Variants in FBXW5 observed in about 807,000 individuals in gnomAD.
FBXW5 encodes the protein F-box and WD repeat domain containing 5.
A neutral mutation model predicts 50.9 loss-of-function variants in FBXW5; 74 were observed. That is an observed-to-expected ratio of 1.45 (90% CI 1.20 to 1.76). FBXW5 has a LOEUF of 1.76. Among genes scored for constraint, FBXW5 ranks in the 40% most tolerant of loss-of-function variants. The probability of loss-of-function intolerance (pLI) is 0.00; values close to 1 mark genes in which losing one functional copy is unlikely to be tolerated. For missense variants in FBXW5, 1,073 were observed against 818.8 expected (o/e 1.31, Z -3.79); for synonymous variants, 523 against 362.2 (o/e 1.44, Z -5.04).
chr9:136,941,127 T>A lies in FBXW5; in HGVS notation c.1502A>T (p.Asn501Ile), dbSNP rs769773872. Residue 501 changes from asparagine to isoleucine, a missense_variant, in exon 9 of 9, where the codon AAC becomes ATC. Coordinates refer to ENST00000325285, the MANE Select transcript of FBXW5 (RefSeq NM_018998.4). ...RHGYIWDRHY[N>I]ICLARLRHED... is the part of the protein sequence containing the mutation. Reference sequence around the variant, plus strand: ...GTGCCGCAGCCTGGCCAGACAGATGTTGTAGTGGCGGTCCCAGATGTAGCC... The same window carrying A: ...GTGCCGCAGCCTGGCCAGACAGATGATGTAGTGGCGGTCCCAGATGTAGCC... 24 of 1,601,948 alleles carry A rather than the reference T, an allele frequency of 1.5e-5. No homozygotes were observed. Among genetic ancestry groups the A allele is most frequent in the South Asian group, 1.5e-4 (13 of 89,568 alleles).
intron 6 of FBXW5, 48 bp from the exon 7 acceptor site, chr9:136,941,732 A>G (rs1321468665): frequency 2.0e-6 from 3 of 1,525,532 alleles, no homozygotes; most frequent in Non-Finnish European, 1.8e-6. Context: ...CCCCAAGGAC[A>G]TCACTCCAGG....
intron 3 of FBXW5, 174 bp from the exon 4 acceptor site, chr9:136,943,117 G>A: frequency 2.7e-6 from 3 of 1,123,146 alleles, no homozygotes; most frequent in Non-Finnish European, 3.8e-6. Context: ...GAGCGGAGGA[G>A]CCTGCCCCTG....
chr9:136,940,919 C>T lies in FBXW5; in HGVS notation c.*9G>A. 1.3e-6 allele frequency: 2 copies of T among 1,576,594 alleles called. No individual in the cohort carries two copies. Among genetic ancestry groups the T allele is most frequent in the South Asian group, 1.1e-5 (1 of 87,284 alleles). ...GGGGTCCCGGTGGCTCCAGTGCACC[C>T]AGCACACCTCAGCGCCTCTGGCTGG... On this transcript the variant is annotated 3_prime_UTR_variant, in exon 9 of 9. Coordinates refer to ENST00000325285, the MANE Select transcript of FBXW5 (RefSeq NM_018998.4).
At chr9:136,943,257 C>CCA (rs1554786817) in intron 3 of FBXW5, 92 bp downstream of exon 3, 36 of 1,225,578 alleles carry the variant, frequency 2.9e-5, no homozygotes, top group South Asian at 9.5e-5. Context: ...CACCCCCCCC[C>CCA]CCACCACCAC....
Position 136,941,293 on chromosome 9 carries a change from C to A in FBXW5, c.1415G>T (p.Cys472Phe), listed in dbSNP as rs1850750619. ...AHRAYTPNDE[C>F]FFIFLDVSRD... ...GCTGACGTCCAGGAAGATGAAGAAG[C>A]ACTCGTCGTTGGGCGTGTAGGCGCG... The change falls in exon 8 of 9, where the codon TGC becomes TTC. Residue 472 changes from cysteine (C) to phenylalanine (F), a missense_variant. Physicochemically the swap from Cys to Phe is radical, Grantham distance 205. Transcript: ENST00000325285. 3 of 1,608,658 alleles carry A rather than the reference C, an allele frequency of 1.9e-6. No individual in the cohort carries two copies. The highest frequency in any genetic ancestry group is 1.7e-6 in the Non-Finnish European group (2 of 1,179,802).
intron 2 of FBXW5, 28 bp from the exon 3 acceptor site, chr9:136,943,534 G>A (rs750102632): frequency 1.9e-6 from 3 of 1,595,012 alleles, no homozygotes; most frequent in Non-Finnish European, 2.6e-6. Context: ...TCAGTCCTGG[G>A]CCCGGGCCTT....
Position 136,940,783 on chromosome 9 carries a change from T to G in FBXW5, c.*145A>C. ...CATCACAGCTGCGTGAGCAGGTTTG[T>G]GTGTGAGCGTGTGGCGGGGCCTGGT... On this transcript the variant is annotated 3_prime_UTR_variant, in exon 9 of 9. Coordinates refer to ENST00000325285, the MANE Select transcript of FBXW5 (RefSeq NM_018998.4). 2 of 1,253,604 alleles carry G rather than the reference T, an allele frequency of 1.6e-6. No individual in the cohort carries two copies. Among genetic ancestry groups the G allele is most frequent in the Admixed American group, 5.0e-5 (2 of 39,840 alleles). 77.7% of individuals were successfully genotyped at this position (1,253,604 alleles called of 1,614,324 possible). A position where few individuals can be genotyped will look rare whatever the true frequency, so the allele number is the denominator to read the frequency against.
rs1272750221 is a variant in FBXW5, at chr9:136,943,902, G to A, written c.182C>T (p.Pro61Leu). ...CACACGCCACTGACCTGGGTGTCGGGGCACGTCGCGGGCCACCTGGTAGTA... is the reference window on the plus strand; with the variant it reads ...CACACGCCACTGACCTGGGTGTCGGAGCACGTCGCGGGCCACCTGGTAGTA... ...YRYYQVARDV[P>L]RHPAAMSWYE... Residue 61 changes from proline (P) to leucine (L), a missense_variant, in exon 2 of 9, where the codon CCC becomes CTC. Coordinates refer to ENST00000325285, the MANE Select transcript of FBXW5 (RefSeq NM_018998.4). 3 of 1,550,028 alleles carry A rather than the reference G, an allele frequency of 1.9e-6. No individual in the cohort carries two copies. The highest frequency in any genetic ancestry group is 1.7e-6 in the Non-Finnish European group (2 of 1,146,878).
At position 136,944,650 on chromosome 9, in the gene FBXW5, C is replaced by G; in HGVS notation, c.-80G>C. The G allele has an allele frequency of 2.0e-6, 2 of 985,298 alleles. No individual in the cohort carries two copies. Among genetic ancestry groups the G allele is most frequent in the Non-Finnish European group, 2.4e-6 (2 of 829,634 alleles). 61.0% of individuals were successfully genotyped at this position (985,298 alleles called of 1,614,324 possible). On this transcript the variant is annotated 5_prime_UTR_variant, in exon 1 of 9. Coordinates refer to ENST00000325285, the MANE Select transcript of FBXW5 (RefSeq NM_018998.4). ...GCCCTGCGCGACCCGGACCCGCTTCCGCTGCCGCAGCCGCTCGGACCGCCG... is the reference window on the plus strand; with the variant it reads ...GCCCTGCGCGACCCGGACCCGCTTCGGCTGCCGCAGCCGCTCGGACCGCCG...
intron 5 of FBXW5, 33 bp from the exon 6 acceptor site, chr9:136,942,499 G>T (rs747197244): frequency 1.9e-6 from 3 of 1,598,772 alleles, no homozygotes; most frequent in Non-Finnish European, 1.7e-6. Context: ...GGTGGGCGCC[G>T]GGCGCCAGGC....
At position 136,942,777 on chromosome 9, in the gene FBXW5, A is replaced by T; in HGVS notation, c.518T>A (p.Ile173Asn). Residue 173 changes from isoleucine to asparagine, a missense_variant, in exon 4 of 9, where the codon ATC becomes AAC. Coordinates refer to ENST00000325285, the MANE Select transcript of FBXW5 (RefSeq NM_018998.4). ...CCGCCGCCCGTGCTCACCTAGGCTG[A>T]TGACAGCAATCTCGCCGGATGAGGA... is the stretch of plus-strand genomic sequence containing the variant. Reference protein sequence around the residue: ...HNSSSGEIAVISLDSFALLSR... With the variant: ...HNSSSGEIAVNSLDSFALLSR... The T allele has an allele frequency of 6.2e-7, 1 of 1,612,550 alleles. No individual in the cohort carries two copies. The highest frequency in any genetic ancestry group is 8.5e-7 in the Non-Finnish European group (1 of 1,179,832).
At chr9:136,943,248 ACCCCCC>A in intron 3 of FBXW5, 95 bp downstream of exon 3, 1 of 722,188 alleles carries the variant, frequency 1.4e-6, no homozygotes, top group Non-Finnish European at 2.2e-6. Flanking sequence ...GGCCTGACCC[ACCCCCC>A]CCCCCACCAC....
In FBXW5 at chr9:136,941,119, G is replaced by A. The variant is rs756815177; in HGVS notation, c.1510C>T (p.Leu504=). 3 of 1,598,868 alleles carry A rather than the reference G, an allele frequency of 1.9e-6. No homozygotes were observed. Among genetic ancestry groups the A allele is most frequent in the Non-Finnish European group, 1.7e-6 (2 of 1,173,160 alleles). ...YIWDRHYNIC[L]ARLRHEDVVN... is the part of the protein sequence containing the mutation. ...ACATCCTCGTGCCGCAGCCTGGCCAGACAGATGTTGTAGTGGCGGTCCCAG... is the reference window on the plus strand; with the variant it reads ...ACATCCTCGTGCCGCAGCCTGGCCAAACAGATGTTGTAGTGGCGGTCCCAG... Residue 504 remains leucine, a synonymous_variant, in exon 9 of 9, where the codon CTG becomes TTG. Coordinates refer to ENST00000325285, the MANE Select transcript of FBXW5 (RefSeq NM_018998.4).
rs772731220 is a variant in FBXW5 at position 136,941,246 on chromosome 9, T to C, written c.1457+5A>G. 6.2e-7 allele frequency: 1 copy of C among 1,603,570 alleles called. No individual in the cohort carries two copies. Among genetic ancestry groups the C allele is most frequent in the South Asian group, 1.1e-5 (1 of 90,826 alleles). ...ACCCGCCCTGCACCACGCCGCGCCCTGCACCTGGCCACGAAGTCCCTGCTG... is the reference window on the plus strand; with the variant it reads ...ACCCGCCCTGCACCACGCCGCGCCCCGCACCTGGCCACGAAGTCCCTGCTG... On this transcript the variant is annotated splice_donor_5th_base_variant and intron_variant, in intron 8 of 8. Transcript: ENST00000325285.
At position 136,940,959 on chromosome 9, in the gene FBXW5, A is replaced by G. The variant is rs143959515; in HGVS notation, c.1670T>C (p.Phe557Ser). ...LQAPRPRPRT[F>S]FSWLASQRR ...CCTCTGGCTGGCAAGCCAGGAGAAGAAGGTGCGAGGCCGTGGGCGAGGTGC... is the reference window on the plus strand; with the variant it reads ...CCTCTGGCTGGCAAGCCAGGAGAAGGAGGTGCGAGGCCGTGGGCGAGGTGC... Residue 557 changes from phenylalanine to serine, a missense_variant, in exon 9 of 9, where the codon TTC becomes TCC. Coordinates refer to ENST00000325285, the MANE Select transcript of FBXW5 (RefSeq NM_018998.4). 66 of 1,570,454 alleles carry G rather than the reference A, an allele frequency of 4.2e-5. No individual in the cohort carries two copies. Among genetic ancestry groups the G allele is most frequent in the Non-Finnish European group, 4.9e-5 (57 of 1,158,326 alleles).
At chr9:136,941,207 C>T (rs374042401) in intron 8 of FBXW5, 36 bp from the exon 9 acceptor site, 8 of 1,598,288 alleles carry the variant, frequency 5.0e-6, no homozygotes, top group African/African-American at 2.7e-5. Flanking sequence ...GGCCGCCCGC[C>T]CGCTGCTGCC....
intron 1 of FBXW5, 157 bp downstream of exon 1, chr9:136,944,437 G>T (rs887823162): frequency 2.2e-6 from 2 of 908,284 alleles, no homozygotes; most frequent in East Asian, 1.1e-4. Context: ...GGGCGGCCAG[G>T]CAGTGGCCTC....
At chr9:136,941,198 G>A (rs1564432316) in intron 8 of FBXW5, 27 bp from the exon 9 acceptor site, 1 of 1,597,154 alleles carries the variant, frequency 6.3e-7, no homozygotes, top group Admixed American at 1.7e-5. Flanking sequence ...GGGTGAGCCG[G>A]CCGCCCGCCC....
chr9:136,944,293 C>T, intron 1 of FBXW5, 187 bp from the exon 2 acceptor site: 1 of 683,500 alleles, frequency 1.5e-6, no homozygotes, highest in Non-Finnish European at 2.1e-6. Flanking sequence ...CGGCCCCTCT[C>T]CGCCGCGTCA....
Sources: gnomAD v4.1 joint callset for allele counts on GRCh38, gnomAD v4.1.1 for gene constraint, MANE v1.5 for transcripts, NCBI Gene and HGNC (gene_info 2026-07-23, HGNC 2026-07-21) for gene names.